The following FAXC variants were observed in gnomAD, a reference collection of about 807,000 sequenced individuals.
The protein encoded by FAXC is failed axon connections homolog.
A neutral mutation model predicts 41.9 loss-of-function variants in FAXC; 10 were observed. The ratio of observed to expected loss-of-function variants is 0.24; its 90% confidence interval spans 0.15 to 0.41. The LOEUF (loss-of-function observed/expected upper bound fraction) is 0.41. Ranked by LOEUF, FAXC falls within the 10% of genes least tolerant of loss-of-function variation. The probability of loss-of-function intolerance (pLI) is 1.00; values close to 1 mark genes in which losing one functional copy is unlikely to be tolerated. For missense variants in FAXC, 399 were observed against 510.9 expected, an observed-to-expected ratio of 0.78 and a Z score of 2.11; for synonymous variants, 183 against 183.8, an observed-to-expected ratio of 1.00 and a Z score of 0.03.
chr6:99,304,078 G>A (rs1345471928), intron 4 of FAXC, among the ~76,000 whole-genome samples: 1 of 152,132 alleles, frequency 6.6e-6, no homozygotes, highest in Non-Finnish European at 1.5e-5. Context: ...GAAGTCAGGA[G>A]TTTGAGACCA....
At chr6:99,294,907 A>C (rs1207956031) in intron 4 of FAXC, among the ~76,000 whole-genome samples, 1 of 150,108 alleles carries the variant, frequency 6.7e-6, no homozygotes, top group Non-Finnish European at 1.5e-5. Context: ...CGAAATGTTA[A>C]AACTGGAAGG....
At position 99,279,216 on chromosome 6, in the gene FAXC, A is replaced by G. The variant is rs1205563770; in HGVS notation, c.*1948T>C. On this transcript the variant is annotated 3_prime_UTR_variant, in exon 6 of 6. Coordinates refer to ENST00000389677, the MANE Select transcript of FAXC (RefSeq NM_032511.4). Reference sequence around the variant, plus strand: ...AGGCTTATCCATTCATATCTTCTCCACCACATTCTTATTAGGCATCAAACA... The same window carrying G: ...AGGCTTATCCATTCATATCTTCTCCGCCACATTCTTATTAGGCATCAAACA... 1 of 152,206 alleles carries G rather than the reference A, an allele frequency of 6.6e-6. No individual in the cohort carries two copies. Among genetic ancestry groups the G allele is most frequent in the African/African-American group, 2.4e-5 (1 of 41,454 alleles). 9.4% of individuals were successfully genotyped at this position (152,206 alleles called of 1,614,324 possible).
intron 5 of FAXC, among the ~76,000 whole-genome samples, chr6:99,288,578 A>G (rs1380849490): frequency 6.6e-6 from 1 of 152,228 alleles, no homozygotes. Context: ...GAACCTCACC[A>G]ATGTGATAAC....
chr6:99,347,181 C>T (rs1362361528), intron 1 of FAXC, among the ~76,000 whole-genome samples: 3 of 152,152 alleles, frequency 2.0e-5, no homozygotes, highest in Non-Finnish European at 2.9e-5. Context: ...GCCAGAGGAT[C>T]GCTTGATCCC....
intron 3 of FAXC, among the ~76,000 whole-genome samples, chr6:99,329,355 AT>A (rs1205656596): frequency 6.6e-6 from 1 of 152,206 alleles, no homozygotes; most frequent in Admixed American, 6.5e-5. Flanking sequence ...GACCCCTGGT[AT>A]TTTAATGAAG....
intron 5 of FAXC, among the ~76,000 whole-genome samples, chr6:99,286,921 A>G (rs1266091145): frequency 2.0e-5 from 3 of 152,220 alleles, no homozygotes; most frequent in Non-Finnish European, 4.4e-5. Context: ...ATGAGAATAT[A>G]AATTGTATAA....
At chr6:99,348,909 G>C (rs143754090) in intron 1 of FAXC, among the ~76,000 whole-genome samples, 198 bp downstream of exon 1, 1 of 152,150 alleles carries the variant, frequency 6.6e-6, no homozygotes, top group African/African-American at 2.4e-5. Context: ...TCCCAGCACC[G>C]GTTTAATTCT....
chr6:99,335,940 T>C (rs938830897), intron 2 of FAXC, among the ~76,000 whole-genome samples: 8 of 152,184 alleles, frequency 5.3e-5, no homozygotes, highest in South Asian at 2.1e-4. Context: ...TAAGTAAACA[T>C]AGATGAATGA....
chr6:99,304,670 A>G (rs2128454393), intron 4 of FAXC, among the ~76,000 whole-genome samples: 1 of 152,360 alleles, frequency 6.6e-6, no homozygotes, highest in East Asian at 1.9e-4. Flanking sequence ...GTTAGTATCC[A>G]TTCAGCAAAT....
chr6:99,336,059 A>G (rs1281887823), intron 2 of FAXC, among the ~76,000 whole-genome samples: 2 of 152,058 alleles, frequency 1.3e-5, no homozygotes, highest in African/African-American at 4.8e-5. Context: ...ATTTCTCTAA[A>G]TGTGGTCGTA....
At chr6:99,328,091 A>G (rs1772883818) in intron 3 of FAXC, among the ~76,000 whole-genome samples, 3 of 151,998 alleles carry the variant, frequency 2.0e-5, no homozygotes, top group Non-Finnish European at 4.4e-5. Context: ...CCCTCTCCCC[A>G]CAGTCTAACC....
Position 99,280,229 on chromosome 6 carries a change from G to C in FAXC, c.*935C>G, listed in dbSNP as rs1427366180. The C allele has an allele frequency of 6.6e-6, 1 of 152,118 alleles. No homozygotes were observed. Among genetic ancestry groups the C allele is most frequent in the African/African-American group, 2.4e-5 (1 of 41,430 alleles). The allele number at this position is 152,118 out of a possible 1,614,324, so 9.4% of individuals were successfully genotyped here. A position where few individuals can be genotyped will look rare whatever the true frequency, so the allele number is the denominator to read the frequency against. ...TGTAAAAACATTTCCAATGTTCTTT[G>C]AACAAAAGATTTTGATTCAGCCAAG... On this transcript the variant is annotated 3_prime_UTR_variant, in exon 6 of 6. Coordinates refer to ENST00000389677, the MANE Select transcript of FAXC (RefSeq NM_032511.4).
intron 3 of FAXC, among the ~76,000 whole-genome samples, chr6:99,327,518 T>C (rs764822773): frequency 2.2e-4 from 34 of 152,066 alleles, no homozygotes; most frequent in African/African-American, 7.0e-4. Flanking sequence ...TCTTGGAACT[T>C]CCCCTTAGCT....
chr6:99,276,262 T>C lies in FAXC; in HGVS notation c.*4902A>G, dbSNP rs1006105704. 1 of 152,140 alleles carries C rather than the reference T, an allele frequency of 6.6e-6. No homozygotes were observed. The highest frequency in any genetic ancestry group is 1.5e-5 in the Non-Finnish European group (1 of 68,018). 9.4% of individuals were successfully genotyped at this position (152,140 alleles called of 1,614,324 possible). ...ACTCAACAATTGTTCTATGAATGAA[T>C]GAATAAATGAATACAGGAAAACCTG... On this transcript the variant is annotated 3_prime_UTR_variant, in exon 6 of 6. Coordinates refer to ENST00000389677, the MANE Select transcript of FAXC (RefSeq NM_032511.4).
At chr6:99,306,932 A>G (rs1389032694) in intron 4 of FAXC, among the ~76,000 whole-genome samples, 1 of 152,190 alleles carries the variant, frequency 6.6e-6, no homozygotes, top group African/African-American at 2.4e-5. Context: ...ACAAGAGACT[A>G]ATGTCTCATC....
chr6:99,290,981 T>G (rs1771218230), intron 5 of FAXC, among the ~76,000 whole-genome samples: 1 of 151,894 alleles, frequency 6.6e-6, no homozygotes, highest in Non-Finnish European at 1.5e-5. Context: ...CCAGGTAATT[T>G]TTCTATTTTT....
chr6:99,344,408 A>C (rs1023042805), intron 1 of FAXC, among the ~76,000 whole-genome samples: 1 of 152,094 alleles, frequency 6.6e-6, no homozygotes, highest in Admixed American at 6.6e-5. Context: ...CATTGTTCCC[A>C]GTACAACACC....
intron 4 of FAXC, among the ~76,000 whole-genome samples, chr6:99,310,173 G>A (rs952137659): frequency 1.3e-5 from 2 of 152,312 alleles, no homozygotes; most frequent in South Asian, 2.1e-4. Flanking sequence ...AGAAGGGCTG[G>A]GTTGTGTACC....
chr6:99,348,038 C>T (rs1582698086), intron 1 of FAXC, among the ~76,000 whole-genome samples: 1 of 152,196 alleles, frequency 6.6e-6, no homozygotes, highest in East Asian at 1.9e-4. Context: ...TACGTTAGGC[C>T]AAATGCCTAC....
Sources: gnomAD v4.1 joint callset for allele counts (sites outside exome capture counted in the v4.1 genomes callset) on GRCh38, gnomAD v4.1.1 for gene constraint, MANE v1.5 for transcripts, NCBI Gene and HGNC (gene_info 2026-07-23, HGNC 2026-07-21) for gene names.